The following SSH2 variants were observed in gnomAD, a reference collection of about 807,000 sequenced individuals.
SSH2 encodes slingshot protein phosphatase 2, also known as protein phosphatase Slingshot homolog 2.
SSH2 carries 37 observed loss-of-function variants against 135.2 expected under a neutral mutation model. That is an observed-to-expected ratio of 0.27 (90% CI 0.21 to 0.36). SSH2 has a LOEUF of 0.36. SSH2 is among the 10% of genes least tolerant of loss of function. SSH2 has a pLI of 1.00. For missense variants in SSH2, 1,408 were observed against 1,765.3 expected, an observed-to-expected ratio of 0.80 and a Z score of 3.63; for synonymous variants, 628 against 646.2, an observed-to-expected ratio of 0.97 and a Z score of 0.43.
intron 3 of SSH2, among the ~76,000 whole-genome samples, chr17:29,784,702 T>A (rs1050446429): frequency 1.2e-4 from 19 of 152,190 alleles, no homozygotes; most frequent in Non-Finnish European, 1.0e-4. Context: ...TACACATAGA[T>A]CTATCAAATT....
At chr17:29,926,826 C>T (rs1043711929) in intron 1 of SSH2, among the ~76,000 whole-genome samples, 2 of 152,178 alleles carry the variant, frequency 1.3e-5, no homozygotes, top group Non-Finnish European at 2.9e-5. Flanking sequence ...TTGCAATACT[C>T]TCTTCTTCAC....
intron 1 of SSH2, among the ~76,000 whole-genome samples, chr17:29,904,325 T>C (rs1831276871): frequency 6.6e-6 from 1 of 152,190 alleles, no homozygotes; most frequent in South Asian, 2.1e-4. Flanking sequence ...GCCTCATCCC[T>C]GGGATGCAAG....
At chr17:29,785,094 G>C (rs2041931043) in intron 3 of SSH2, among the ~76,000 whole-genome samples, 1 of 152,046 alleles carries the variant, frequency 6.6e-6, no homozygotes, top group Non-Finnish European at 1.5e-5. Flanking sequence ...AAAGACTAAA[G>C]AGGAAGAAAC....
At chr17:29,921,195 G>C (rs1481862518) in intron 1 of SSH2, among the ~76,000 whole-genome samples, 1 of 152,172 alleles carries the variant, frequency 6.6e-6, no homozygotes, top group African/African-American at 2.4e-5. Flanking sequence ...TCACTTATCT[G>C]AGTCTGTATT....
chr17:29,828,567 G>A (rs1467576147), intron 2 of SSH2, among the ~76,000 whole-genome samples: 1 of 152,030 alleles, frequency 6.6e-6, no homozygotes, highest in Non-Finnish European at 1.5e-5. Flanking sequence ...ACATTTTCTG[G>A]GTACCAATTC....
chr17:29,728,217 T>C (rs1314683630), intron 3 of SSH2, among the ~76,000 whole-genome samples: 1 of 152,142 alleles, frequency 6.6e-6, no homozygotes, highest in Non-Finnish European at 1.5e-5. Context: ...AATTGTGGGA[T>C]ACATAATCGG....
At chr17:29,860,737 T>C (rs2065749701) in intron 1 of SSH2, among the ~76,000 whole-genome samples, 1 of 140,862 alleles carries the variant, frequency 7.1e-6, no homozygotes, top group Non-Finnish European at 1.6e-5. Flanking sequence ...CAGTCTCCTT[T>C]GCCCACTTTT....
At chr17:29,745,288 T>C (rs1222493502) in intron 3 of SSH2, among the ~76,000 whole-genome samples, 3 of 151,806 alleles carry the variant, frequency 2.0e-5, no homozygotes, top group African/African-American at 7.3e-5. Flanking sequence ...GCCTCCCGAG[T>C]AGCGGGGATT....
Position 29,631,778 on chromosome 17 carries a change from T to G in SSH2, c.3416A>C (p.Glu1139Ala). The G allele has an allele frequency of 1.9e-6, 3 of 1,614,178 alleles. No individual in the cohort carries two copies. Among genetic ancestry groups the G allele is most frequent in the Non-Finnish European group, 2.5e-6 (3 of 1,180,036 alleles). The change falls in exon 16 of 16, where the codon GAG becomes GCG. Residue 1139 changes from glutamate to alanine, a missense_variant. This residue lies in a region of SSH2 where 1,080 missense variants were observed against 1,144.5 expected (regional missense o/e 0.94). Coordinates refer to ENST00000540801, the MANE Select transcript of SSH2 (RefSeq NM_001282129.2). ...ATGACTGACAAAAGGTGCTGCTGTC[T>G]CCAGGGCTGTGGACAGGCTGCTGCC... ...DRGSSLSTAL[E>A]TAAPFVSHTT... is the part of the protein sequence containing the mutation.
At chr17:29,714,302 G>C (rs927893248) in intron 3 of SSH2, among the ~76,000 whole-genome samples, 4 of 151,826 alleles carry the variant, frequency 2.6e-5, no homozygotes, top group Non-Finnish European at 4.4e-5. Flanking sequence ...GATTAACTCA[G>C]AAAAACTGTT....
intron 3 of SSH2, among the ~76,000 whole-genome samples, chr17:29,780,936 C>T (rs1367181606): frequency 1.3e-5 from 2 of 151,916 alleles, no homozygotes; most frequent in African/African-American, 2.4e-5. Context: ...CTCAGCCTCC[C>T]GAGTAGCTAG....
intron 3 of SSH2, among the ~76,000 whole-genome samples, chr17:29,750,983 C>T (rs977495982): frequency 6.6e-6 from 1 of 152,022 alleles, no homozygotes; most frequent in African/African-American, 2.4e-5. Context: ...ATCTCCATAT[C>T]TTGCCACACT....
chr17:29,880,464 T>C (rs2066117644), intron 1 of SSH2, among the ~76,000 whole-genome samples: 1 of 152,084 alleles, frequency 6.6e-6, no homozygotes, highest in Non-Finnish European at 1.5e-5. Context: ...AAACCAGAGG[T>C]TGAAAACTGG....
chr17:29,909,004 G>A lies in SSH2; in HGVS notation c.63+20934C>T, dbSNP rs181088751. On this transcript the variant is annotated intron_variant, in intron 1 of 15. Coordinates refer to ENST00000540801, the MANE Select transcript of SSH2 (RefSeq NM_001282129.2). ...AGGCAGGAGAATGGTGTGAAGCCGG[G>A]AGGTGGAGCTTGCAGTGAGCCGAGA... 7.3e-3 allele frequency among the ~76,000 whole-genome samples: 1,107 copies of A among 152,022 alleles called. 19 individuals carry two copies. The highest frequency in any genetic ancestry group is 0.025 in the African/African-American group (1,052 of 41,464).
chr17:29,839,564 A>G (rs945739145), intron 2 of SSH2, among the ~76,000 whole-genome samples: 2 of 152,172 alleles, frequency 1.3e-5, no homozygotes, highest in Admixed American at 6.5e-5. Context: ...ATTCCCCACT[A>G]GTGAATTTCT....
At chr17:29,899,203 CT>C (rs2066500765) in intron 1 of SSH2, among the ~76,000 whole-genome samples, 1 of 151,612 alleles carries the variant, frequency 6.6e-6, no homozygotes, top group South Asian at 2.1e-4. Flanking sequence ...GAAGCATTCC[CT>C]TTGAAAACTG....
chr17:29,689,578 T>C lies in SSH2; in HGVS notation c.358-4894A>G, dbSNP rs150755117. Among the ~76,000 whole-genome samples, 240 of 152,298 alleles carry C rather than the reference T, an allele frequency of 1.6e-3. 1 individual carries two copies. The highest frequency in any genetic ancestry group is 5.5e-3 in the African/African-American group (227 of 41,574). ...GGCAGCAATAGTAACTAAGATTATA[T>C]TTCCAAGAAACTACATTTACTGCCT... On this transcript the variant is annotated intron_variant, in intron 5 of 15. Coordinates refer to ENST00000540801, the MANE Select transcript of SSH2 (RefSeq NM_001282129.2).
intron 3 of SSH2, among the ~76,000 whole-genome samples, chr17:29,720,807 G>A (rs1358829136): frequency 6.6e-6 from 1 of 152,114 alleles, no homozygotes; most frequent in Non-Finnish European, 1.5e-5. Context: ...AAGTCCAAAT[G>A]ACAATTTAAG....
Position 29,631,428 on chromosome 17 carries a change from C to A in SSH2, c.3766G>T (p.Gly1256Cys). 2 of 1,614,142 alleles carry A rather than the reference C, an allele frequency of 1.2e-6. No homozygotes were observed. Among genetic ancestry groups the A allele is most frequent in the East Asian group, 4.5e-5 (2 of 44,892 alleles). Reference sequence around the variant, plus strand: ...TCTTTAGCACGCTCCTTCACCACACCGGGGCTGTGGCTGAGACTCTTTATG... The same window carrying A: ...TCTTTAGCACGCTCCTTCACCACACAGGGGCTGTGGCTGAGACTCTTTATG... ...ENIKSLSHSP[G>C]VVKERAKEIE... The change falls in exon 16 of 16, where the codon GGT becomes TGT. Residue 1256 changes from glycine (G) to cysteine (C), a missense_variant. Physicochemically the swap from Gly to Cys is radical, Grantham distance 159 (BLOSUM62 -3). Around this residue, in one of 3 missense-constraint regions of SSH2, gnomAD observed 1,080 missense variants for 1,144.5 expected, o/e 0.94. Coordinates refer to ENST00000540801, the MANE Select transcript of SSH2 (RefSeq NM_001282129.2).
Sources: allele counts gnomAD v4.1 joint callset (sites outside exome capture counted in the v4.1 genomes callset), GRCh38; gene constraint gnomAD v4.1.1; regional missense constraint gnomAD v4.1.1; transcripts MANE v1.5; gene names NCBI Gene and HGNC (gene_info 2026-07-23, HGNC 2026-07-21).